Variants in LIMS1 observed in about 807,000 individuals in gnomAD.
LIMS1 encodes the protein LIM zinc finger domain containing 1.
Under a neutral mutation model 44.1 loss-of-function variants are expected in LIMS1, and 18 were observed. The ratio of observed to expected loss-of-function variants is 0.41; its 90% CI spans 0.28 to 0.61. The LOEUF is 0.61. LIMS1 is among the 20% of genes least tolerant of loss of function. LIMS1 has a pLI of 0.32. For synonymous variants in LIMS1, 93 were observed against 149.1 expected, an observed-to-expected ratio of 0.62 and a Z score of 2.74; for missense variants, 201 against 422.0, an observed-to-expected ratio of 0.48 and a Z score of 4.59.
chr2:108,634,025 G>T (rs1417317394), intron 1 of LIMS1, among the ~76,000 whole-genome samples: 4 of 152,272 alleles, frequency 2.6e-5, no homozygotes, highest in Admixed American at 2.6e-4. Flanking sequence ...TTTGAGATGG[G>T]GACTGGATGC....
chr2:108,558,542 T>C (rs1457289864), intron 1 of LIMS1, among the ~76,000 whole-genome samples: 1 of 152,072 alleles, frequency 6.6e-6, no homozygotes, highest in Non-Finnish European at 1.5e-5. Flanking sequence ...CTAAATGCCT[T>C]TGTTGCACTG....
At chr2:108,662,958 G>T (rs1267925895) in intron 2 of LIMS1, among the ~76,000 whole-genome samples, 1 of 152,106 alleles carries the variant, frequency 6.6e-6, no homozygotes, top group Admixed American at 6.5e-5. Flanking sequence ...TACTTTTATG[G>T]TAGAACTTTC....
At chr2:108,541,277 T>C (rs2104569317) in intron 1 of LIMS1, among the ~76,000 whole-genome samples, 1 of 152,382 alleles carries the variant, frequency 6.6e-6, no homozygotes, top group Admixed American at 6.5e-5. Context: ...GCTGTTGTTT[T>C]GTTTTTGTTT....
chr2:108,534,628 C>T, intron 1 of LIMS1, 34 bp downstream of exon 1: 1 of 1,097,626 alleles, frequency 9.1e-7, no homozygotes. Context: ...CCGCCACGTC[C>T]GCCCCGCAGC....
At chr2:108,643,712 A>G (rs910701506) in intron 1 of LIMS1, among the ~76,000 whole-genome samples, 1 of 152,090 alleles carries the variant, frequency 6.6e-6, no homozygotes, top group Non-Finnish European at 1.5e-5. Flanking sequence ...GGGAGCCAAG[A>G]GGTCTGGCTT....
At chr2:108,597,373 A>G (rs1361646812) in intron 1 of LIMS1, among the ~76,000 whole-genome samples, 1 of 152,228 alleles carries the variant, frequency 6.6e-6, no homozygotes, top group Admixed American at 6.5e-5. Context: ...CGTGATTGTA[A>G]TGATGATTGC....
rs1476985523 is a variant in LIMS1 at position 108,534,464 on chromosome 2, C to A, written c.-99C>A. ...GCCTTCCTCCCCTTCCTGCTCCGGG[C>A]CCGCCAGTAGCCGGCCGCGGCGGCG... On this transcript the variant is annotated 5_prime_UTR_variant, in exon 1 of 10. Coordinates refer to ENST00000544547, the Ensembl canonical transcript of LIMS1. The A allele has an allele frequency of 2.0e-6, 2 of 990,856 alleles. No individual in the cohort carries two copies. Among genetic ancestry groups the A allele is most frequent in the Non-Finnish European group, 2.5e-6 (2 of 786,284 alleles). 61.4% of individuals were successfully genotyped at this position (990,856 alleles called of 1,614,324 possible). A position where few individuals can be genotyped will look rare whatever the true frequency, so the allele number is the denominator to read the frequency against.
At chr2:108,534,475 C>T in exon 1 of LIMS1, 2 of 1,064,946 alleles carry the variant, frequency 1.9e-6, no homozygotes, top group Admixed American at 5.0e-5. Flanking sequence ...CCGCCAGTAG[C>T]CGGCCGCGGC....
At chr2:108,648,360 G>T (rs1296244795) in intron 1 of LIMS1, among the ~76,000 whole-genome samples, 1 of 152,124 alleles carries the variant, frequency 6.6e-6, no homozygotes, top group Non-Finnish European at 1.5e-5. Flanking sequence ...TGGATAGGAA[G>T]AATCAATTTT....
chr2:108,539,385 A>G (rs548499381), intron 1 of LIMS1, among the ~76,000 whole-genome samples: 101 of 152,170 alleles, frequency 6.6e-4, no homozygotes, highest in Admixed American at 1.5e-3. Context: ...GCACCCAGCT[A>G]CCAGAGTTTT....
chr2:108,571,081 T>C (rs1165042281), intron 1 of LIMS1, among the ~76,000 whole-genome samples: 1 of 152,226 alleles, frequency 6.6e-6, no homozygotes. Context: ...TCAGATATTA[T>C]TACGTATACT....
chr2:108,590,777 C>T (rs1686344429), intron 1 of LIMS1, among the ~76,000 whole-genome samples: 1 of 152,204 alleles, frequency 6.6e-6, no homozygotes, highest in South Asian at 2.1e-4. Context: ...GAATAACATC[C>T]AGTTTTTATG....
At chr2:108,650,368 GT>G (rs1690380365) in intron 1 of LIMS1, among the ~76,000 whole-genome samples, 1 of 151,144 alleles carries the variant, frequency 6.6e-6, no homozygotes, top group Admixed American at 6.6e-5. Context: ...ACTGCAGGTA[GT>G]CTTTTTGGGA....
intron 1 of LIMS1, among the ~76,000 whole-genome samples, chr2:108,635,954 CG>C (rs1171063744): frequency 6.6e-6 from 1 of 152,168 alleles, no homozygotes; most frequent in Non-Finnish European, 1.5e-5. Context: ...CTGCCTCTGT[CG>C]GCCTGGGTCC....
chr2:108,669,722 TA>T (rs60098338), intron 2 of LIMS1, among the ~76,000 whole-genome samples: 67,679 of 146,944 alleles, frequency 0.46, 16,394 homozygotes, highest in East Asian at 0.96. Flanking sequence ...ATTTCTCTAT[TA>T]AAAAAAAAAA....
At chr2:108,650,543 G>T (rs1018869887) in intron 1 of LIMS1, among the ~76,000 whole-genome samples, 12 of 151,804 alleles carry the variant, frequency 7.9e-5, no homozygotes, top group Non-Finnish European at 1.5e-4. Context: ...TCAGCCTCCT[G>T]AGCAGCTGGG....
chr2:108,567,554 C>T (rs948681373), intron 1 of LIMS1, among the ~76,000 whole-genome samples: 1 of 151,784 alleles, frequency 6.6e-6, no homozygotes, highest in African/African-American at 2.4e-5. Flanking sequence ...ATGAAGATGC[C>T]CTGTTTTCCT....
At chr2:108,682,581 T>A (rs1693081271) in intron 9 of LIMS1, among the ~76,000 whole-genome samples, 1 of 152,216 alleles carries the variant, frequency 6.6e-6, no homozygotes, top group South Asian at 2.1e-4. Flanking sequence ...TTTTTTCTTT[T>A]ATCAAAAAAA....
intron 8 of LIMS1, 102 bp from the exon 9 acceptor site, chr2:108,680,593 C>T: frequency 1.4e-6 from 2 of 1,473,812 alleles, no homozygotes; most frequent in Non-Finnish European, 1.9e-6. Flanking sequence ...CCAAGTGCCA[C>T]AGACACAGTC....
Sources: allele counts gnomAD v4.1 joint callset (sites outside exome capture counted in the v4.1 genomes callset), GRCh38; gene constraint gnomAD v4.1.1; transcripts MANE v1.5; gene names NCBI Gene and HGNC (gene_info 2026-07-23, HGNC 2026-07-21).